The following SOX6 variants were observed in gnomAD, a reference collection of about 807,000 sequenced individuals.
The protein encoded by SOX6 is SRY-box transcription factor 6, also known as transcription factor SOX-6.
SOX6 carries 11 observed loss-of-function variants against 97.8 expected under a neutral mutation model. That is an observed-to-expected ratio of 0.11 (90% confidence interval 0.07 to 0.19). The LOEUF (loss-of-function observed/expected upper bound fraction) is 0.19. SOX6 is among the 10% of genes least tolerant of loss of function. SOX6 has a pLI of 1.00. For missense variants in SOX6, 810 were observed against 1,039.5 expected, an observed-to-expected ratio of 0.78 and a Z score of 3.04; for synonymous variants, 360 against 371.4, an observed-to-expected ratio of 0.97 and a Z score of 0.35.
At chr11:16,313,062 T>G (rs1280950637) in intron 3 of SOX6, 1 of 152,182 alleles carries the variant, frequency 6.6e-6, no homozygotes, top group African/African-American at 2.4e-5. Flanking sequence ...TATCTTCCCA[T>G]AAGTCTCAGT....
intron 3 of SOX6, among the ~76,000 whole-genome samples, chr11:16,250,011 A>C (rs945771171): frequency 2.0e-4 from 31 of 152,160 alleles, no homozygotes; most frequent in African/African-American, 7.2e-4. Flanking sequence ...AGTTTCTATA[A>C]TATTTTGGCT....
chr11:16,123,802 TA>T (rs1406172199), intron 6 of SOX6, among the ~76,000 whole-genome samples: 1 of 152,094 alleles, frequency 6.6e-6, no homozygotes, highest in Non-Finnish European at 1.5e-5. Flanking sequence ...TACTTTTATT[TA>T]GTGCCATTTT....
chr11:16,032,273 G>T (rs773426341), intron 12 of SOX6, among the ~76,000 whole-genome samples: 1 of 152,058 alleles, frequency 6.6e-6, no homozygotes, highest in Non-Finnish European at 1.5e-5. Context: ...TGAACCTAGA[G>T]TTACCTGCAT....
At chr11:15,992,522 C>T (rs78897919) in intron 13 of SOX6, among the ~76,000 whole-genome samples, 11,209 of 152,086 alleles carry the variant, frequency 0.074, 861 homozygotes, top group East Asian at 0.35. Context: ...AAATTATGCC[C>T]AGGAGGTCAC....
chr11:15,997,178 TC>T (rs1180926649), intron 13 of SOX6, among the ~76,000 whole-genome samples: 53 of 152,080 alleles, frequency 3.5e-4, no homozygotes, highest in African/African-American at 1.2e-3. Context: ...CAAAATTCAC[TC>T]AAGAATAAAT....
At chr11:16,360,347 C>T (rs923026550), upstream of SOX6, among the ~76,000 whole-genome samples, 1 of 152,188 alleles carries the variant, frequency 6.6e-6, no homozygotes, top group African/African-American at 2.4e-5. Context: ...CATTTCCAGA[C>T]TCTACCTTCA....
chr11:16,231,040 A>C (rs1249680734), intron 4 of SOX6, among the ~76,000 whole-genome samples: 1 of 151,754 alleles, frequency 6.6e-6, no homozygotes, highest in Admixed American at 6.6e-5. Context: ...AAACATATTT[A>C]AGATGTATTA....
intron 6 of SOX6, among the ~76,000 whole-genome samples, chr11:16,173,269 C>A (rs998265033): frequency 1.2e-4 from 18 of 151,788 alleles, no homozygotes; most frequent in African/African-American, 1.7e-4. Context: ...TTGAGAGGGC[C>A]CTCTCATGGA....
At chr11:16,090,726 T>A (rs1409618490) in intron 9 of SOX6, among the ~76,000 whole-genome samples, 4 of 152,086 alleles carry the variant, frequency 2.6e-5, no homozygotes, top group Non-Finnish European at 5.9e-5. Context: ...AATACTGTGC[T>A]AGGCAATGCT....
intron 3 of SOX6, among the ~76,000 whole-genome samples, chr11:16,622,326 T>C (rs1017669085): frequency 6.6e-6 from 1 of 152,252 alleles, no homozygotes; most frequent in South Asian, 2.1e-4. Context: ...GTTACATGAA[T>C]AAGTTCTTTA....
chr11:15,968,778 G>A lies in SOX6; in HGVS notation c.*4031C>T, dbSNP rs1853213201. The A allele has an allele frequency of 6.6e-6, 1 of 152,214 alleles. No homozygotes were observed. 9.4% of individuals were successfully genotyped at this position (152,214 alleles called of 1,614,324 possible). A position where few individuals can be genotyped will look rare whatever the true frequency, so the allele number is the denominator to read the frequency against. ...CACACCTGAATTTAGAACTTGGCCT[G>A]GGCTTTGGTGTCAGGACCCTGGCAA... is the stretch of plus-strand genomic sequence containing the variant. On this transcript the variant is annotated 3_prime_UTR_variant, in exon 16 of 16. Coordinates refer to ENST00000683767, the MANE Select transcript of SOX6 (RefSeq NM_001367873.1).
At chr11:16,219,059 A>G (rs976601937) in intron 4 of SOX6, among the ~76,000 whole-genome samples, 1 of 152,066 alleles carries the variant, frequency 6.6e-6, no homozygotes, top group African/African-American at 2.4e-5. Flanking sequence ...CGTGCTAGGC[A>G]CTCATGGAAG....
At chr11:16,023,996 C>G (rs1426570234) in intron 12 of SOX6, among the ~76,000 whole-genome samples, 1 of 152,088 alleles carries the variant, frequency 6.6e-6, no homozygotes, top group African/African-American at 2.4e-5. Flanking sequence ...CCTAGTACCT[C>G]AGAATGTGAC....
intron 3 of SOX6, among the ~76,000 whole-genome samples, chr11:16,705,652 G>A (rs1172951447): frequency 1.3e-5 from 2 of 151,968 alleles, no homozygotes; most frequent in Non-Finnish European, 1.5e-5. Context: ...CTATGTTAAT[G>A]GGCATACAAT....
chr11:16,288,315 C>G (rs1386802516), intron 3 of SOX6, among the ~76,000 whole-genome samples: 1 of 152,012 alleles, frequency 6.6e-6, no homozygotes, highest in Non-Finnish European at 1.5e-5. Flanking sequence ...CACCTAAATA[C>G]TTTATTCAAC....
intron 3 of SOX6, among the ~76,000 whole-genome samples, chr11:16,642,587 A>G (rs1848936100): frequency 6.6e-6 from 1 of 152,084 alleles, no homozygotes; most frequent in East Asian, 1.9e-4. Context: ...CACATAGCCC[A>G]TATTTCTTGG....
At chr11:16,691,166 C>A (rs1052119981) in intron 3 of SOX6, among the ~76,000 whole-genome samples, 3 of 152,120 alleles carry the variant, frequency 2.0e-5, no homozygotes, top group Non-Finnish European at 4.4e-5. Context: ...ACCATCAGAA[C>A]GGTATTGTCT....
In SOX6 at chr11:15,989,201, T is replaced by C. The variant is rs1284433961; in HGVS notation, c.1762A>G (p.Lys588Glu). The C allele has an allele frequency of 6.2e-7, 1 of 1,612,062 alleles. No homozygotes were observed. The highest frequency in any genetic ancestry group is 8.5e-7 in the Non-Finnish European group (1 of 1,178,342). Residue 588 changes from lysine to glutamate, a missense_variant, in exon 14 of 16, where the codon AAA becomes GAA. This residue lies in a region of SOX6 where 120 missense variants were observed against 127.0 expected (regional missense o/e 0.94). Coordinates refer to ENST00000683767, the MANE Select transcript of SOX6 (RefSeq NM_001367873.1). Reference protein sequence around the residue: ...GSKAMNGSAAKLQQYYCWPTG... With the variant: ...GSKAMNGSAAELQQYYCWPTG... ...GGCCAACAATAATACTGCTGTAGTTTAGCTGCAGAGCCATTCATTGCTTTA... is the reference window on the plus strand; with the variant it reads ...GGCCAACAATAATACTGCTGTAGTTCAGCTGCAGAGCCATTCATTGCTTTA...
intron 9 of SOX6, among the ~76,000 whole-genome samples, chr11:16,078,152 G>A (rs1357440209): frequency 6.6e-6 from 1 of 152,244 alleles, no homozygotes; most frequent in East Asian, 1.9e-4. Context: ...TATGGGGATA[G>A]ATGTGTTTTC....
Sources: gnomAD v4.1 joint callset for allele counts (sites outside exome capture counted in the v4.1 genomes callset) on GRCh38, gnomAD v4.1.1 for gene constraint, gnomAD v4.1.1 regional missense constraint, MANE v1.5 for transcripts, NCBI Gene and HGNC (gene_info 2026-07-23, HGNC 2026-07-21) for gene names.